Variants in ANKIB1 observed in about 807,000 individuals in gnomAD.
ANKIB1 encodes ankyrin repeat and IBR domain-containing protein 1.
ANKIB1 carries 43 observed loss-of-function variants against 122.1 expected under a neutral mutation model. The observed-to-expected ratio is 0.35, with a 90% CI of 0.28 to 0.45. The LOEUF is 0.45. Among genes scored for constraint, ANKIB1 ranks in the 20% least tolerant of loss-of-function variants. The pLI is 1.00. For synonymous variants in ANKIB1, 390 were observed against 442.0 expected (o/e 0.88, Z 1.48); for missense variants, 992 against 1,329.5 (o/e 0.75, Z 3.95).
chr7:92,334,199 T>G (rs1401595642), intron 5 of ANKIB1, among the ~76,000 whole-genome samples: 2 of 152,174 alleles, frequency 1.3e-5, no homozygotes, highest in Non-Finnish European at 2.9e-5. Context: ...CCTTATGTGT[T>G]GTAATGCATT....
At chr7:92,291,167 G>A (rs897563565) in intron 1 of ANKIB1, among the ~76,000 whole-genome samples, 4 of 152,060 alleles carry the variant, frequency 2.6e-5, no homozygotes, top group East Asian at 3.9e-4. Flanking sequence ...GGTGGCGTAT[G>A]CCTGTAGTTC....
chr7:92,283,523 T>C (rs1046471576), intron 1 of ANKIB1, among the ~76,000 whole-genome samples: 3 of 152,212 alleles, frequency 2.0e-5, no homozygotes, highest in Admixed American at 6.5e-5. Flanking sequence ...GTGTGTGTTT[T>C]GCACATACTT....
At chr7:92,327,969 G>A (rs1803063411) in intron 5 of ANKIB1, 69 bp downstream of exon 5, 3 of 1,011,836 alleles carry the variant, frequency 3.0e-6, no homozygotes, top group African/African-American at 1.7e-5. Flanking sequence ...TTTTTAAAAG[G>A]GCTATTTTTG....
intron 2 of ANKIB1, among the ~76,000 whole-genome samples, chr7:92,303,087 A>T (rs1387413101): frequency 6.6e-6 from 1 of 152,332 alleles, no homozygotes; most frequent in Non-Finnish European, 1.5e-5. Flanking sequence ...AGAAAGGCCT[A>T]TAAGATTTAA....
intron 18 of ANKIB1, 145 bp from the exon 19 acceptor site, chr7:92,397,578 C>T: frequency 1.3e-6 from 1 of 773,722 alleles, no homozygotes; most frequent in South Asian, 1.7e-5. Flanking sequence ...ATGAGAAATC[C>T]CAGAAAGATT....
intron 10 of ANKIB1, among the ~76,000 whole-genome samples, chr7:92,366,628 C>A (rs1261004479): frequency 6.6e-6 from 1 of 152,198 alleles, no homozygotes; most frequent in Non-Finnish European, 1.5e-5. Context: ...ATTCTTCCAT[C>A]TTTCCAAATC....
At chr7:92,386,789 C>G (rs532411032) in intron 12 of ANKIB1, 146 bp downstream of exon 12, 4 of 839,582 alleles carry the variant, frequency 4.8e-6, no homozygotes, top group Non-Finnish European at 6.5e-6. Flanking sequence ...CAAAACAGCT[C>G]TGTAAACTTG....
At chr7:92,312,999 T>C (rs1440429068) in intron 3 of ANKIB1, among the ~76,000 whole-genome samples, 1 of 152,184 alleles carries the variant, frequency 6.6e-6, no homozygotes, top group Non-Finnish European at 1.5e-5. Context: ...TAGACTTCCA[T>C]AGAGCAACCC....
rs763163619 is a variant in ANKIB1 at position 92,397,762 on chromosome 7, C to T, written c.2435C>T (p.Thr812Ile). The change falls in exon 19 of 20, where the codon ACA becomes ATA. Residue 812 changes from threonine to isoleucine, a missense_variant. This residue lies in a region of ANKIB1 where 384 missense variants were observed against 412.0 expected (regional missense o/e 0.93). Transcript: ENST00000265742. ...GGCAGCAGCAGCCGCAGGCCTGGCA[C>T]ATCCGTGGTAAGTTCTGCATCTATG... ...EGGSSSRRPG[T>I]SVVSSASMSV... 2 of 1,611,806 alleles carry T rather than the reference C, an allele frequency of 1.2e-6. No homozygotes were observed. Among genetic ancestry groups the T allele is most frequent in the East Asian group, 2.2e-5 (1 of 44,764 alleles).
intron 9 of ANKIB1, among the ~76,000 whole-genome samples, chr7:92,354,694 A>T (rs1026085994): frequency 6.6e-6 from 1 of 151,852 alleles, no homozygotes; most frequent in African/African-American, 2.4e-5. Flanking sequence ...GTTTTTTTGC[A>T]TTCTTAGCTT....
At chr7:92,346,934 A>G (rs1803553952) in intron 7 of ANKIB1, among the ~76,000 whole-genome samples, 1 of 152,234 alleles carries the variant, frequency 6.6e-6, no homozygotes, top group South Asian at 2.1e-4. Context: ...TAGCCTACCT[A>G]GGATTCTCCT....
Position 92,317,981 on chromosome 7 carries a change from C to T in ANKIB1, c.487-1349C>T, listed in dbSNP as rs372621097. 3.9e-5 allele frequency among the ~76,000 whole-genome samples: 6 copies of T among 152,238 alleles called. No homozygotes were observed. The South Asian group carries it at 6.2e-4, about 16-fold the overall frequency. ...TTTATATGATTAGTCTACCTACTTA[C>T]GAGTCAGTATAGTGTCCAGTCATGG... On this transcript the variant is annotated intron_variant, in intron 3 of 19. Coordinates refer to ENST00000265742, the MANE Select transcript of ANKIB1 (RefSeq NM_019004.2).
chr7:92,333,874 T>TCA (rs1803232135), intron 5 of ANKIB1, among the ~76,000 whole-genome samples: 1 of 152,204 alleles, frequency 6.6e-6, no homozygotes, highest in Non-Finnish European at 1.5e-5. Context: ...AGTAGCATAA[T>TCA]GGAAATTTTT....
intron 1 of ANKIB1, among the ~76,000 whole-genome samples, chr7:92,290,800 G>T (rs1228865842): frequency 1.3e-5 from 2 of 152,078 alleles, no homozygotes; most frequent in African/African-American, 4.8e-5. Flanking sequence ...ACACTTATTT[G>T]TGGGAGTTGA....
chr7:92,348,631 A>G (rs1420899859), intron 7 of ANKIB1, among the ~76,000 whole-genome samples: 1 of 152,012 alleles, frequency 6.6e-6, no homozygotes, highest in Admixed American at 6.6e-5. Flanking sequence ...TGATCCGCCT[A>G]CCTCGGCCTC....
chr7:92,331,525 C>G (rs1224178739), intron 5 of ANKIB1, among the ~76,000 whole-genome samples: 2 of 152,062 alleles, frequency 1.3e-5, no homozygotes, highest in African/African-American at 4.8e-5. Context: ...CCGCCTGCCT[C>G]GGCCTCCCAG....
intron 1 of ANKIB1, among the ~76,000 whole-genome samples, chr7:92,252,231 G>T (rs985127269): frequency 1.3e-5 from 2 of 152,122 alleles, no homozygotes; most frequent in Non-Finnish European, 2.9e-5. Flanking sequence ...AATTATGCTA[G>T]TATCCTGTTT....
Position 92,320,356 on chromosome 7 carries a change from A to G in ANKIB1, c.669+844A>G, listed in dbSNP as rs529147489. Among the ~76,000 whole-genome samples the G allele has an allele frequency of 2.0e-5, 3 of 152,256 alleles. No homozygotes were observed. The East Asian group carries it at 5.8e-4, about 29-fold the overall frequency. ...GAACTGCCCCCCGTCATGGAGTGAC[A>G]TGTTGCCAAATTTAGTAGGTACTTT... On this transcript the variant is annotated intron_variant, in intron 4 of 19. Coordinates refer to ENST00000265742, the MANE Select transcript of ANKIB1 (RefSeq NM_019004.2).
intron 4 of ANKIB1, 62 bp downstream of exon 4, chr7:92,319,574 T>G: frequency 6.6e-7 from 1 of 1,506,080 alleles, no homozygotes; most frequent in Non-Finnish European, 9.1e-7. Context: ...TATGTTGTTT[T>G]GTATTTTTCT....
Sources: gnomAD v4.1 joint callset for allele counts (sites outside exome capture counted in the v4.1 genomes callset) on GRCh38, gnomAD v4.1.1 for gene constraint, gnomAD v4.1.1 regional missense constraint, MANE v1.5 for transcripts, NCBI Gene and HGNC (gene_info 2026-07-23, HGNC 2026-07-21) for gene names.